Variants in LAMP3 observed in about 807,000 individuals in gnomAD.
LAMP3 encodes lysosome associated membrane protein 3, also known as lysosome-associated membrane glycoprotein 3.
A neutral mutation model predicts 34.8 loss-of-function variants in LAMP3; 26 were observed. The observed-to-expected ratio is 0.75, with a 90% CI of 0.55 to 1.04. LAMP3 has a LOEUF of 1.04. LAMP3 is among the 50% of genes least tolerant of loss of function. The pLI, the probability that LAMP3 is intolerant of heterozygous loss-of-function variation, is 0.00. For synonymous variants in LAMP3, 180 were observed against 201.9 expected, an observed-to-expected ratio of 0.89 and a Z score of 0.92; for missense variants, 495 against 524.0, an observed-to-expected ratio of 0.94 and a Z score of 0.54.
chr3:183,135,426 G>A (rs775968522), intron 5 of LAMP3, among the ~76,000 whole-genome samples: 4 of 152,280 alleles, frequency 2.6e-5, no homozygotes, highest in African/African-American at 4.8e-5. Context: ...AAGGGAAGTC[G>A]CAGGTGGTAT....
chr3:183,130,841 CTT>C, intron 5 of LAMP3, among the ~76,000 whole-genome samples: 1 of 150,266 alleles, frequency 6.7e-6, no homozygotes, highest in Non-Finnish European at 1.5e-5. Flanking sequence ...GCAACCCACT[CTT>C]TTTTTTTTCC....
upstream of LAMP3, chr3:183,162,861 C>A (rs1418392982): frequency 1.1e-5 from 6 of 529,760 alleles, no homozygotes; most frequent in African/African-American, 1.2e-4. Flanking sequence ...GGGGACTCGG[C>A]GCAGCCGCCG....
At chr3:183,131,216 C>T (rs1022872703) in intron 5 of LAMP3, among the ~76,000 whole-genome samples, 2 of 152,182 alleles carry the variant, frequency 1.3e-5, no homozygotes, top group Non-Finnish European at 2.9e-5. Flanking sequence ...GTGGTCATAT[C>T]CCTCTATACT....
intron 4 of LAMP3, among the ~76,000 whole-genome samples, chr3:183,139,866 T>A (rs80243937): frequency 6.6e-6 from 1 of 152,212 alleles, no homozygotes; most frequent in African/African-American, 2.4e-5. Context: ...AATACAGGGC[T>A]TGGCACCTAG....
At chr3:183,156,295 AG>A (rs1433456062) in intron 1 of LAMP3, among the ~76,000 whole-genome samples, 1 of 152,164 alleles carries the variant, frequency 6.6e-6, no homozygotes, top group East Asian at 1.9e-4. Flanking sequence ...CGGGAGGCTG[AG>A]GTTGCAGTGA....
In LAMP3 at chr3:183,154,337, T is replaced by A; in HGVS notation, c.104A>T (p.Asp35Val). Reference sequence around the variant, plus strand: ...TGCTGCTGCAGTAGGTTGAGAATAATCTCTGGTTTCTGGAAATGCTTTTGC... The same window carrying A: ...TGCTGCTGCAGTAGGTTGAGAATAAACTCTGGTTTCTGGAAATGCTTTTGC... Reference protein sequence around the residue: ...MRAKAFPETRDYSQPTAAATV... With the variant: ...MRAKAFPETRVYSQPTAAATV... Residue 35 changes from aspartate to valine, a missense_variant, in exon 2 of 6, where the codon GAT becomes GTT. Asp to Val is a radical substitution (Grantham distance 152, BLOSUM62 -3). Coordinates refer to ENST00000265598, the MANE Select transcript of LAMP3 (RefSeq NM_014398.4). 6.2e-7 allele frequency: 1 copy of A among 1,610,456 alleles called. No individual in the cohort carries two copies. Among genetic ancestry groups the A allele is most frequent in the Admixed American group, 1.7e-5 (1 of 59,296 alleles).
chr3:183,155,061 C>G (rs1056747992), intron 1 of LAMP3, among the ~76,000 whole-genome samples: 3 of 152,126 alleles, frequency 2.0e-5, no homozygotes, highest in Non-Finnish European at 4.4e-5. Context: ...ATTAAAGGCA[C>G]CTGCCACCAC....
At chr3:183,132,160 TAAC>T (rs1719944374) in intron 5 of LAMP3, 1 of 985,290 alleles carries the variant, frequency 1.0e-6, no homozygotes, top group African/African-American at 1.7e-5. Context: ...ACTGAAGGGC[TAAC>T]ATTTATTGAG....
intron 1 of LAMP3, chr3:183,158,216 A>C (rs1247268276): frequency 6.6e-6 from 1 of 152,138 alleles, no homozygotes; most frequent in Non-Finnish European, 1.5e-5. Flanking sequence ...AGACCATGAG[A>C]GCTACTCTAT....
chr3:183,149,452 G>A (rs1720546101), intron 3 of LAMP3, among the ~76,000 whole-genome samples: 2 of 149,404 alleles, frequency 1.3e-5, no homozygotes, highest in South Asian at 4.3e-4. Flanking sequence ...GGCTGAGGCA[G>A]GGAAATCACT....
rs71185636 is a variant in LAMP3, at chr3:183,162,188, T to TAA, written c.49+417_49+418dup. Reference sequence around the variant, plus strand: ...TGGGATGGGAAGTACAATGATCATTTAAAAAAAAAAAAGTCTTTGACACTC... The same window carrying TAA: ...TGGGATGGGAAGTACAATGATCATTTAAAAAAAAAAAAAAGTCTTTGACACTC... On this transcript the variant is annotated intron_variant, in intron 1 of 5. Coordinates refer to ENST00000265598, the MANE Select transcript of LAMP3 (RefSeq NM_014398.4). 5.9e-3 allele frequency among the ~76,000 whole-genome samples: 851 copies of TAA among 144,104 alleles called. 8 individuals are homozygous for TAA. The highest frequency in any genetic ancestry group is 0.02 in the African/African-American group (769 of 39,206). The allele number at this position is 144,104 out of a possible 152,430, so 94.5% of individuals were successfully genotyped here. A position where few individuals can be genotyped will look rare whatever the true frequency, so the allele number is the denominator to read the frequency against.
intron 5 of LAMP3, chr3:183,132,981 G>A (rs1319156428): frequency 1.0e-6 from 1 of 976,398 alleles, no homozygotes; most frequent in Non-Finnish European, 1.2e-6. Flanking sequence ...AGAGTAACAA[G>A]TGTTACAGAC....
At position 183,159,146 on chromosome 3, in the gene LAMP3, G is replaced by A. The variant is rs143730023; in HGVS notation, c.49+3461C>T. On this transcript the variant is annotated intron_variant, in intron 1 of 5. Transcript: ENST00000265598. ...AGGATTAAGTGATCTGCCTACCTCA[G>A]ACTCCCAAAGTGCTGGGATTACAGG... Among the ~76,000 whole-genome samples, 1,391 of 152,340 alleles carry A rather than the reference G, an allele frequency of 9.1e-3. 27 individuals are homozygous for A. The highest frequency in any genetic ancestry group is 0.032 in the African/African-American group (1,333 of 41,566).
intron 5 of LAMP3, 34 bp from the exon 6 acceptor site, chr3:183,124,248 A>T (rs761805720): frequency 6.7e-7 from 1 of 1,496,278 alleles, no homozygotes; most frequent in South Asian, 1.4e-5. Flanking sequence ...ACAGTGGGTA[A>T]GGTTTGGTGA....
chr3:183,123,871 C>G lies in LAMP3; in HGVS notation c.*210G>C, dbSNP rs1719722709. Reference sequence around the variant, plus strand: ...AAAGGAAACTAGAAAATAAACAGCTCACTATATCTTTCATAAAATAAACAA... The same window carrying G: ...AAAGGAAACTAGAAAATAAACAGCTGACTATATCTTTCATAAAATAAACAA... On this transcript the variant is annotated 3_prime_UTR_variant, in exon 6 of 6. Transcript: ENST00000265598. 2 of 535,004 alleles carry G rather than the reference C, an allele frequency of 3.7e-6. No individual in the cohort carries two copies. Among genetic ancestry groups the G allele is most frequent in the South Asian group, 2.3e-5 (1 of 43,916 alleles). The allele number at this position is 535,004 out of a possible 1,614,324, so 33.1% of individuals were successfully genotyped here.
At chr3:183,151,429 T>C (rs1437970801) in intron 3 of LAMP3, among the ~76,000 whole-genome samples, 1 of 145,878 alleles carries the variant, frequency 6.9e-6, no homozygotes, top group Non-Finnish European at 1.5e-5. Context: ...ATGCTCTTTT[T>C]TTTTTTTTTT....
Position 183,153,683 on chromosome 3 carries a change from G to A in LAMP3, c.758C>T (p.Ser253Leu), listed in dbSNP as rs760759246. The A allele has an allele frequency of 1.5e-5, 22 of 1,512,332 alleles. No individual in the cohort carries two copies. Among genetic ancestry groups the A allele is most frequent in the Middle Eastern group, 1.8e-4 (1 of 5,598 alleles). The allele number at this position is 1,512,332 out of a possible 1,614,324, so 93.7% of individuals were successfully genotyped here. ...TATAGTCCTGTGGCCCCAACTTACC[G>A]ACTCCTTGTCTTGAACAATCAGCTG... ...GIQLIVQDKESVFSPRRYFNI... is the reference protein window; with the variant it reads ...GIQLIVQDKELVFSPRRYFNI... The change falls in exon 2 of 6, where the codon TCG (serine) becomes TTG (leucine). Residue 253 changes from serine (S) to leucine (L), a missense_variant and splice_region_variant. Transcript: ENST00000265598.
At chr3:183,141,985 T>C (rs891073658) in intron 3 of LAMP3, among the ~76,000 whole-genome samples, 8 of 152,208 alleles carry the variant, frequency 5.3e-5, no homozygotes, top group African/African-American at 1.9e-4. Context: ...GGATTGTTCT[T>C]GGTCCTGGGA....
At chr3:183,130,850 T>A (rs1203788812) in intron 5 of LAMP3, among the ~76,000 whole-genome samples, 2 of 152,180 alleles carry the variant, frequency 1.3e-5, no homozygotes, top group African/African-American at 4.8e-5. Flanking sequence ...TCTTTTTTTT[T>A]TCCTCCAGGT....
Sources: allele counts gnomAD v4.1 joint callset (sites outside exome capture counted in the v4.1 genomes callset), GRCh38; gene constraint gnomAD v4.1.1; transcripts MANE v1.5; gene names NCBI Gene and HGNC (gene_info 2026-07-23, HGNC 2026-07-21).